Variants in RABGAP1L observed in about 807,000 individuals in gnomAD.
The protein encoded by RABGAP1L is rab GTPase-activating protein 1-like.
RABGAP1L carries 63 observed loss-of-function variants against 137.7 expected under a neutral mutation model. The ratio of observed to expected loss-of-function variants is 0.46; its 90% CI spans 0.37 to 0.56. The LOEUF is 0.56. RABGAP1L is among the 20% of genes least tolerant of loss of function. RABGAP1L has a pLI of 0.00. For missense variants in RABGAP1L, 1,095 were observed against 1,244.0 expected (o/e 0.88, Z 1.80); for synonymous variants, 431 against 433.7 (o/e 0.99, Z 0.08).
intron 13 of RABGAP1L, among the ~76,000 whole-genome samples, chr1:174,562,551 C>T (rs538722344): frequency 9.8e-5 from 15 of 152,312 alleles, no homozygotes; most frequent in Admixed American, 8.5e-4. Flanking sequence ...AAGACACATG[C>T]TCACGTATGT....
At chr1:174,753,530 T>A (rs1290027260) in intron 18 of RABGAP1L, among the ~76,000 whole-genome samples, 2 of 152,216 alleles carry the variant, frequency 1.3e-5, no homozygotes, top group Non-Finnish European at 2.9e-5. Context: ...CTTTTTAAAA[T>A]TAAATCGATT....
chr1:174,200,918 A>C (rs1435947462), intron 1 of RABGAP1L, among the ~76,000 whole-genome samples: 4 of 152,280 alleles, frequency 2.6e-5, no homozygotes, highest in Middle Eastern at 3.4e-3. Context: ...GGTTTCAGTT[A>C]TCCACATCTG....
intron 10 of RABGAP1L, among the ~76,000 whole-genome samples, chr1:174,289,933 T>C (rs1558103436): frequency 6.6e-6 from 1 of 152,176 alleles, no homozygotes; most frequent in Admixed American, 6.5e-5. Context: ...GGATACTGAT[T>C]GGACTCCCTG....
intron 1 of RABGAP1L, among the ~76,000 whole-genome samples, chr1:174,164,678 T>A (rs554563300): frequency 6.6e-6 from 1 of 152,376 alleles, no homozygotes; most frequent in East Asian, 1.9e-4. Flanking sequence ...TAGGTAGTTG[T>A]TAAACATTTA....
intron 16 of RABGAP1L, among the ~76,000 whole-genome samples, chr1:174,701,768 C>A (rs1350932010): frequency 6.6e-6 from 1 of 151,388 alleles, no homozygotes; most frequent in East Asian, 1.9e-4. Context: ...AAAATTTAAC[C>A]CTGAATGGGG....
At chr1:174,430,237 C>T (rs1230417976) in intron 13 of RABGAP1L, among the ~76,000 whole-genome samples, 1 of 151,908 alleles carries the variant, frequency 6.6e-6, no homozygotes, top group Non-Finnish European at 1.5e-5. Context: ...CAGAAATTAG[C>T]CGGGTGTGGT....
intron 13 of RABGAP1L, among the ~76,000 whole-genome samples, chr1:174,610,031 CG>C (rs902329019): frequency 7.2e-6 from 1 of 139,560 alleles, no homozygotes; most frequent in East Asian, 2.9e-4. Flanking sequence ...TTTTGGTATG[CG>C]TTTTTTTTTT....
intron 19 of RABGAP1L, among the ~76,000 whole-genome samples, chr1:174,922,732 T>G (rs1252886506): frequency 6.6e-6 from 1 of 152,246 alleles, no homozygotes; most frequent in Non-Finnish European, 1.5e-5. Context: ...CTTTTCATTT[T>G]CTGGTGAAGA....
At chr1:174,480,434 A>G (rs1445619481) in intron 13 of RABGAP1L, among the ~76,000 whole-genome samples, 3 of 152,200 alleles carry the variant, frequency 2.0e-5, no homozygotes, top group Non-Finnish European at 4.4e-5. Context: ...TATACCCAAA[A>G]ATGGATTACA....
At chr1:174,648,032 G>A (rs976257063) in intron 14 of RABGAP1L, among the ~76,000 whole-genome samples, 1 of 151,982 alleles carries the variant, frequency 6.6e-6, no homozygotes, top group African/African-American at 2.4e-5. Context: ...TTGTATTTCT[G>A]TGGAATCAGT....
intron 17 of RABGAP1L, among the ~76,000 whole-genome samples, chr1:174,739,216 T>G (rs886152225): frequency 1.3e-5 from 2 of 152,208 alleles, no homozygotes; most frequent in African/African-American, 2.4e-5. Context: ...AAATAAATTT[T>G]ACAGTTAAAT....
chr1:174,619,566 C>A lies in RABGAP1L; in HGVS notation c.1711-17809C>A, dbSNP rs567670958. Among the ~76,000 whole-genome samples the A allele has an allele frequency of 1.2e-4, 19 of 152,258 alleles. No homozygotes were observed. In the South Asian group the frequency reaches 1.9e-3, roughly 15 times the overall value. ...GCTTCATAAGTGAAGGAGAAATAAA[C>A]TCCTTTACAGACAAGCAAATGCTGA... On this transcript the variant is annotated intron_variant, in intron 13 of 25. Coordinates refer to ENST00000681986, the MANE Select transcript of RABGAP1L (RefSeq NM_001366446.1).
chr1:174,880,636 C>T (rs1654039394), intron 19 of RABGAP1L, among the ~76,000 whole-genome samples: 1 of 151,634 alleles, frequency 6.6e-6, no homozygotes, highest in Non-Finnish European at 1.5e-5. Flanking sequence ...GTCACCAAGG[C>T]CTGAGTGCAG....
chr1:174,373,719 C>T (rs944567896), intron 12 of RABGAP1L, among the ~76,000 whole-genome samples: 1 of 152,182 alleles, frequency 6.6e-6, no homozygotes, highest in Admixed American at 6.5e-5. Flanking sequence ...CTGGTGCTGG[C>T]AATGGAATTC....
chr1:174,850,714 TTTTGCCATATGGCACAGTTGACA>T (rs1648163196), intron 19 of RABGAP1L, among the ~76,000 whole-genome samples: 1 of 152,216 alleles, frequency 6.6e-6, no homozygotes, highest in South Asian at 2.1e-4. Context: ...TGTGATTATG[TTTTGCCATATGGCACAGTTGACA>T]TTAAAATAGG....
rs1224691263 is a variant in RABGAP1L, at chr1:174,435,535, C to G, written c.1710+41390C>G. 2.0e-5 allele frequency among the ~76,000 whole-genome samples: 3 copies of G among 151,832 alleles called. No homozygotes were observed. In the East Asian group the frequency reaches 5.8e-4, roughly 29 times the overall value. On this transcript the variant is annotated intron_variant, in intron 13 of 25. Transcript: ENST00000681986. ...TTTACTGAGAAAATTTTCCTTTTTC[C>G]TTGATTTGTTTTAGAATTTTTAATT...
At chr1:174,827,691 G>A (rs1691725724) in intron 19 of RABGAP1L, among the ~76,000 whole-genome samples, 1 of 145,532 alleles carries the variant, frequency 6.9e-6, no homozygotes, top group African/African-American at 2.5e-5. Context: ...TTTTTTTACA[G>A]CTCCACCCTC....
chr1:174,797,690 ATGTG>A (rs149746931), intron 18 of RABGAP1L, among the ~76,000 whole-genome samples: 14 of 31,478 alleles, frequency 4.4e-4, no homozygotes, highest in Admixed American at 1.1e-3. Context: ...GTGTGGGGGG[ATGTG>A]TGTGTGTGTG....
chr1:174,376,359 AT>A (rs147930096), intron 12 of RABGAP1L, among the ~76,000 whole-genome samples: 31,632 of 151,972 alleles, frequency 0.21, 3,604 homozygotes, highest in Admixed American at 0.24. Flanking sequence ...TTACCATGAT[AT>A]CAAAACCGGA....
Sources: gnomAD v4.1 joint callset for allele counts (sites outside exome capture counted in the v4.1 genomes callset) on GRCh38, gnomAD v4.1.1 for gene constraint, MANE v1.5 for transcripts, NCBI Gene and HGNC (gene_info 2026-07-23, HGNC 2026-07-21) for gene names.